Variants in ABCB9 observed in about 807,000 individuals in gnomAD.
ABCB9 encodes ATP binding cassette subfamily B member 9, also known as ABC-type oligopeptide transporter ABCB9.
ABCB9 carries 36 observed loss-of-function variants against 62.0 expected under a neutral mutation model. The observed-to-expected ratio is 0.58, with a 90% CI of 0.45 to 0.77. The LOEUF (loss-of-function observed/expected upper bound fraction) is 0.77. Ranked by LOEUF, ABCB9 falls within the 30% of genes least tolerant of loss-of-function variation. ABCB9 has a pLI of 0.00. For synonymous variants in ABCB9, 435 were observed against 461.4 expected (o/e 0.94, Z 0.73); for missense variants, 943 against 1,054.7 (o/e 0.89, Z 1.47).
intron 11 of ABCB9, among the ~76,000 whole-genome samples, chr12:122,923,612 T>A (rs2034812664): frequency 6.6e-6 from 1 of 152,194 alleles, no homozygotes; most frequent in South Asian, 2.1e-4. Context: ...CATTGGCTAA[T>A]TTTTAATTCT....
At chr12:122,967,998 A>C (rs2037223564), upstream of ABCB9, among the ~76,000 whole-genome samples, 1 of 152,240 alleles carries the variant, frequency 6.6e-6, no homozygotes, top group Non-Finnish European at 1.5e-5. Context: ...GTCTGGAAAT[A>C]ACCTAAATAC....
chr12:122,918,711 G>T (rs1209923892), downstream of ABCB9, among the ~76,000 whole-genome samples: 1 of 152,032 alleles, frequency 6.6e-6, no homozygotes, highest in Non-Finnish European at 1.5e-5. Context: ...TCCCACTTCG[G>T]CCTCCTAAAG....
At position 122,932,160 on chromosome 12, in the gene ABCB9, G is replaced by A. The variant is rs2035206337; in HGVS notation, c.2040+32C>T. 1 of 1,550,836 alleles carries A rather than the reference G, an allele frequency of 6.4e-7. No individual in the cohort carries two copies. The highest frequency in any genetic ancestry group is 1.4e-5 in the African/African-American group (1 of 73,028). ...GCTCTGGCCACCTGGAGCCGCTCCT[G>A]CCCCCGCATTGCCCACCACCCTGTG... On this transcript the variant is annotated intron_variant, in intron 11 of 11. Transcript: ENST00000280560. The surrounding 1 kb of genome is among the most constrained non-coding windows in gnomAD (Gnocchi z 4.7).
At chr12:122,941,160 G>A (rs1035321688) in intron 7 of ABCB9, among the ~76,000 whole-genome samples, 165 bp from the exon 8 acceptor site, 3 of 152,098 alleles carry the variant, frequency 2.0e-5, no homozygotes, top group Admixed American at 1.3e-4. Flanking sequence ...ACAGTAAGGG[G>A]AGCTGAGGAC....
downstream of ABCB9, among the ~76,000 whole-genome samples, chr12:122,927,155 T>C (rs7488814): frequency 0.025 from 3,782 of 152,176 alleles, 71 homozygotes; most frequent in South Asian, 0.045. Flanking sequence ...TTTCTGTAAA[T>C]CTAAAATTAT....
upstream of ABCB9, among the ~76,000 whole-genome samples, chr12:122,970,740 G>A (rs1022982684): frequency 2.6e-5 from 4 of 152,096 alleles, no homozygotes; most frequent in Non-Finnish European, 1.5e-5. Flanking sequence ...AGCTTTATTC[G>A]TAATTGCCTA....
rs1566178180 is a variant in ABCB9 at position 122,948,628 on chromosome 12, T to C, written c.1049A>G (p.Tyr350Cys). ...MMVSNIYGKYYKRLSKEVQNA... is the reference protein window; with the variant it reads ...MMVSNIYGKYCKRLSKEVQNA... ...GCAGAGACAGGGCAGGCCTACCTTG[T>C]AGTACTTGCCGTAGATGTTGGACAC... Residue 350 changes from tyrosine (Y) to cysteine (C), a missense_variant, in exon 5 of 12, where the codon TAC becomes TGC. Physicochemically the swap from Tyr to Cys is radical, Grantham distance 194 (BLOSUM62 -2). Transcript: ENST00000280560. 1 of 1,611,402 alleles carries C rather than the reference T, an allele frequency of 6.2e-7. No homozygotes were observed. The highest frequency in any genetic ancestry group is 8.5e-7 in the Non-Finnish European group (1 of 1,178,570).
At chr12:122,921,904 G>A (rs1334327462) in intron 11 of ABCB9, among the ~76,000 whole-genome samples, 1 of 152,138 alleles carries the variant, frequency 6.6e-6, no homozygotes, top group Non-Finnish European at 1.5e-5. Flanking sequence ...AGAAACAAAT[G>A]GTCAGCAGCA....
At chr12:122,926,917 A>G (rs2034923162), downstream of ABCB9, among the ~76,000 whole-genome samples, 1 of 152,122 alleles carries the variant, frequency 6.6e-6, no homozygotes, top group Non-Finnish European at 1.5e-5. Context: ...AAACAAACAA[A>G]CAAACAAAAA....
intron 4 of ABCB9, 134 bp from the exon 5 acceptor site, chr12:122,948,963 G>T (rs929927131): frequency 8.6e-6 from 6 of 697,442 alleles, no homozygotes; most frequent in Non-Finnish European, 1.4e-5. Context: ...TGGGGGGTGG[G>T]GGAGAAGAGC....
rs146406614 is a variant in ABCB9 at position 122,947,486 on chromosome 12, C to T, written c.1053+1138G>A. 15 of 455,104 alleles carry T rather than the reference C, an allele frequency of 3.3e-5. No homozygotes were observed. In the East Asian group the frequency reaches 9.8e-4, roughly 30 times the overall value. The allele number at this position is 455,104 out of a possible 1,614,324, so 28.2% of individuals were successfully genotyped here. A position where few individuals can be genotyped will look rare whatever the true frequency, so the allele number is the denominator to read the frequency against. ...GCGACAATGACTTACCCGGCACCAC[C>T]TGGAGGCCGTCATGCATCCAAGCCC... is the stretch of plus-strand genomic sequence containing the variant. On this transcript the variant is annotated intron_variant, in intron 5 of 11. Coordinates refer to ENST00000280560, the MANE Select transcript of ABCB9 (RefSeq NM_019625.4). This position sits in a 1 kb window ranked among gnomAD's most constrained non-coding sequence, Gnocchi z 6.0.
At chr12:122,950,375 T>A (rs750094496) in intron 3 of ABCB9, 76 bp downstream of exon 3, 1 of 1,390,798 alleles carries the variant, frequency 7.2e-7, no homozygotes, top group East Asian at 2.5e-5. Flanking sequence ...CTGTCTTCCT[T>A]AGGAACAGGC....
chr12:122,959,196 A>G lies in ABCB9; in HGVS notation c.601+439T>C, dbSNP rs1322081497. Among the ~76,000 whole-genome samples, 1 of 151,514 alleles carries G rather than the reference A, an allele frequency of 6.6e-6. No individual in the cohort carries two copies. The highest frequency in any genetic ancestry group is 2.4e-5 in the African/African-American group (1 of 41,384). Reference sequence around the variant, plus strand: ...GCGAAAACCTGTTTCTACTAAAAATACAAAAATTAGTTGGGTGTGGTGGCA... The same window carrying G: ...GCGAAAACCTGTTTCTACTAAAAATGCAAAAATTAGTTGGGTGTGGTGGCA... On this transcript the variant is annotated intron_variant, in intron 2 of 11. Transcript: ENST00000280560. This position sits in a 1 kb window ranked among gnomAD's most constrained non-coding sequence, Gnocchi z 5.4.
In ABCB9 at chr12:122,932,129, A is replaced by AC; in HGVS notation, c.2040+62_2040+63insG. The AC allele has an allele frequency of 1.3e-6, 2 of 1,549,576 alleles. No homozygotes were observed. Among genetic ancestry groups the AC allele is most frequent in the Non-Finnish European group, 1.7e-6 (2 of 1,146,906 alleles). ...CTTCTCAGCATCCATCTGCTGGGCG[A>AC]TGGGGGCTCTGGCCACCTGGAGCCG... On this transcript the variant is annotated intron_variant, in intron 11 of 11. Coordinates refer to ENST00000280560, the MANE Select transcript of ABCB9 (RefSeq NM_019625.4). This position sits in a 1 kb window ranked among gnomAD's most constrained non-coding sequence, Gnocchi z 4.7.
downstream of ABCB9, among the ~76,000 whole-genome samples, chr12:122,925,167 T>C (rs1044653508): frequency 6.6e-6 from 1 of 152,132 alleles, no homozygotes; most frequent in Non-Finnish European, 1.5e-5. Flanking sequence ...GCGATCTGCC[T>C]GCCTCAGCCT....
chr12:122,954,173 A>G (rs2036508252), intron 2 of ABCB9, among the ~76,000 whole-genome samples: 2 of 146,724 alleles, frequency 1.4e-5, no homozygotes, highest in South Asian at 4.2e-4. Flanking sequence ...CCCTGCCTCA[A>G]AAAAAAAAAA....
Position 122,936,086 on chromosome 12 carries a change from C to T in ABCB9, c.1744-655G>A, listed in dbSNP as rs192552255. Among the ~76,000 whole-genome samples the T allele has an allele frequency of 2.6e-5, 4 of 152,044 alleles. No individual in the cohort carries two copies. In the East Asian group the frequency reaches 7.7e-4, roughly 29 times the overall value. On this transcript the variant is annotated intron_variant, in intron 9 of 11. Coordinates refer to ENST00000280560, the MANE Select transcript of ABCB9 (RefSeq NM_019625.4). ...AGTATGGAAGATATCATTGCAACAC[C>T]ATAAGTAGCAAAAGTTAATTAGTTA...
chr12:122,919,857 C>T (rs996366526), downstream of ABCB9, among the ~76,000 whole-genome samples: 2 of 149,486 alleles, frequency 1.3e-5, no homozygotes, highest in African/African-American at 2.4e-5. Flanking sequence ...AGGACCTCCC[C>T]CTGGGTGACT....
At chr12:122,965,390 A>G (rs901150280) in intron 1 of ABCB9, among the ~76,000 whole-genome samples, 1 of 152,228 alleles carries the variant, frequency 6.6e-6, no homozygotes, top group Non-Finnish European at 1.5e-5. Flanking sequence ...GCTGCGCAGC[A>G]AAGCACTGAC....
Sources: gnomAD v4.1 joint callset for allele counts (sites outside exome capture counted in the v4.1 genomes callset) on GRCh38, gnomAD v4.1.1 for gene constraint, Gnocchi (gnomAD v3.1) non-coding constraint, MANE v1.5 for transcripts, NCBI Gene and HGNC (gene_info 2026-07-23, HGNC 2026-07-21) for gene names.